RIN2: variants seen among roughly 807,000 people sequenced by gnomAD.
RIN2 encodes RAB5 interacting protein 2.
RIN2 carries 36 observed loss-of-function variants against 78.0 expected under a neutral mutation model. That is an observed-to-expected ratio of 0.46 (90% CI 0.35 to 0.61). RIN2 has a LOEUF of 0.61. Ranked by LOEUF, RIN2 falls within the 20% of genes least tolerant of loss-of-function variation. RIN2 has a pLI of 0.00. For synonymous variants in RIN2, 466 were observed against 466.8 expected, an observed-to-expected ratio of 1.00 and a Z score of 0.02; for missense variants, 1,087 against 1,159.7, an observed-to-expected ratio of 0.94 and a Z score of 0.91.
intron 2 of RIN2, among the ~76,000 whole-genome samples, chr20:19,850,127 G>A (rs1478584584): frequency 6.6e-6 from 1 of 152,206 alleles, no homozygotes; most frequent in Non-Finnish European, 1.5e-5. Context: ...TGAGGACAAA[G>A]GCCATTAACA....
rs193121247 is a variant in RIN2, at chr20:19,959,622, G to A, written c.352-1078G>A. On this transcript the variant is annotated intron_variant, in intron 5 of 12. Transcript: ENST00000255006. Reference sequence around the variant, plus strand: ...GAGATATCAACTGGAGATAAAGAGAGGAGCAAAGATTAGGCAGGGAAAAAA... The same window carrying A: ...GAGATATCAACTGGAGATAAAGAGAAGAGCAAAGATTAGGCAGGGAAAAAA... 2.2e-3 allele frequency among the ~76,000 whole-genome samples: 340 copies of A among 152,290 alleles called. 1 individual carries two copies. Among genetic ancestry groups the A allele is most frequent in the African/African-American group, 7.7e-3 (322 of 41,552 alleles).
chr20:19,833,296 T>TA (rs1568794611), intron 2 of RIN2, among the ~76,000 whole-genome samples: 2 of 152,028 alleles, frequency 1.3e-5, no homozygotes, highest in African/African-American at 2.4e-5. Flanking sequence ...TATATATATA[T>TA]TTTAACTTTA....
chr20:19,814,757 T>A (rs2035712258), intron 2 of RIN2, among the ~76,000 whole-genome samples: 1 of 151,912 alleles, frequency 6.6e-6, no homozygotes, highest in South Asian at 2.1e-4. Flanking sequence ...CATACCCAGC[T>A]AATTTTTTTT....
chr20:19,867,564 G>T (rs1443887289), intron 2 of RIN2, among the ~76,000 whole-genome samples: 1 of 152,074 alleles, frequency 6.6e-6, no homozygotes. Flanking sequence ...GAGCATGCAG[G>T]CCAATCATTT....
rs369642776 is a variant in RIN2 at position 20,000,586 on chromosome 20, G to A, written c.2365-27G>A. The A allele has an allele frequency of 9.1e-5, 141 of 1,554,788 alleles. No homozygotes were observed. The African/African-American group carries it at 1.7e-3, about 19-fold the overall frequency. On this transcript the variant is annotated intron_variant, in intron 12 of 12. Transcript: ENST00000255006. Reference sequence around the variant, plus strand: ...CACTATCTAGTTTTCTCTTCTGACTGTCTCAACATTCCTCTTCCACCTGCA... The same window carrying A: ...CACTATCTAGTTTTCTCTTCTGACTATCTCAACATTCCTCTTCCACCTGCA...
intron 9 of RIN2, among the ~76,000 whole-genome samples, chr20:19,981,358 A>G (rs2042447838): frequency 1.3e-5 from 2 of 152,154 alleles, no homozygotes; most frequent in Admixed American, 6.5e-5. Context: ...CCCCTGACCC[A>G]GGCCATGTAT....
chr20:19,894,114 G>C (rs2038611185), intron 3 of RIN2, among the ~76,000 whole-genome samples: 1 of 152,006 alleles, frequency 6.6e-6, no homozygotes, highest in Admixed American at 6.6e-5. Flanking sequence ...GTGGGGAGAA[G>C]GGGTAACACC....
chr20:19,857,160 G>A (rs932730689), intron 2 of RIN2, among the ~76,000 whole-genome samples: 1 of 151,972 alleles, frequency 6.6e-6, no homozygotes, highest in Non-Finnish European at 1.5e-5. Context: ...CCATTATTCT[G>A]TTTTCTATTA....
chr20:19,833,297 T>TATATATATATATATATATATATA (rs2036306525), intron 2 of RIN2, among the ~76,000 whole-genome samples: 1 of 145,908 alleles, frequency 6.9e-6, no homozygotes, highest in African/African-American at 2.6e-5. Flanking sequence ...ATATATATAT[T>TATATATATATATATATATATATA]TTAACTTTAA....
chr20:19,778,217 A>T (rs1002234054), intron 1 of RIN2, among the ~76,000 whole-genome samples: 1 of 152,254 alleles, frequency 6.6e-6, no homozygotes, highest in Admixed American at 6.5e-5. Context: ...TTCAGACAAG[A>T]TGGCAAATTC....
intron 1 of RIN2, among the ~76,000 whole-genome samples, chr20:19,771,760 G>C (rs961346087): frequency 6.6e-6 from 1 of 151,484 alleles, no homozygotes; most frequent in Admixed American, 6.6e-5. Context: ...TCATTAAAAC[G>C]CTCTGACAGC....
At chr20:19,896,338 G>A (rs893839139) in intron 3 of RIN2, among the ~76,000 whole-genome samples, 12 of 152,094 alleles carry the variant, frequency 7.9e-5, no homozygotes, top group Non-Finnish European at 1.5e-4. Flanking sequence ...ACAGGCATGC[G>A]CCACCACACC....
intron 1 of RIN2, among the ~76,000 whole-genome samples, chr20:19,769,516 T>C (rs1481108345): frequency 4.6e-5 from 7 of 152,210 alleles, no homozygotes. Context: ...CCTCCATCTC[T>C]GGTAGGTTGC....
At chr20:19,810,452 G>A (rs914346728) in intron 2 of RIN2, among the ~76,000 whole-genome samples, 1 of 152,050 alleles carries the variant, frequency 6.6e-6, no homozygotes, top group African/African-American at 2.4e-5. Context: ...GGGCTGCCAG[G>A]GCCCCCAGGA....
chr20:19,783,737 C>T (rs1022550181), intron 1 of RIN2, among the ~76,000 whole-genome samples: 1 of 152,156 alleles, frequency 6.6e-6, no homozygotes, highest in Non-Finnish European at 1.5e-5. Flanking sequence ...CTAGAGCTTA[C>T]CCCTGCCGGG....
chr20:19,933,059 A>G (rs117016918), intron 3 of RIN2, among the ~76,000 whole-genome samples: 2,321 of 152,238 alleles, frequency 0.015, 95 homozygotes, highest in Admixed American at 0.097. Context: ...TAGTTCCACC[A>G]CTACCACCTC....
chr20:19,836,199 A>C (rs1330412929), intron 2 of RIN2, among the ~76,000 whole-genome samples: 2 of 152,216 alleles, frequency 1.3e-5, no homozygotes, highest in Non-Finnish European at 2.9e-5. Context: ...ACCACTAGGC[A>C]AAATGGGTTA....
At chr20:19,865,967 T>C (rs1308714958) in intron 2 of RIN2, among the ~76,000 whole-genome samples, 1 of 152,058 alleles carries the variant, frequency 6.6e-6, no homozygotes, top group Admixed American at 6.6e-5. Context: ...GAGGGATGGT[T>C]TTGGGATGAT....
chr20:19,770,066 C>A (rs1024020554), intron 1 of RIN2, among the ~76,000 whole-genome samples: 1 of 152,158 alleles, frequency 6.6e-6, no homozygotes. Context: ...GGAATTGTTT[C>A]TATTTCTCAT....
Sources: gnomAD v4.1 joint callset for allele counts (sites outside exome capture counted in the v4.1 genomes callset) on GRCh38, gnomAD v4.1.1 for gene constraint, MANE v1.5 for transcripts, NCBI Gene and HGNC (gene_info 2026-07-23, HGNC 2026-07-21) for gene names.